TNRC6A: variants seen among roughly 807,000 people sequenced by gnomAD.
TNRC6A encodes trinucleotide repeat-containing gene 6A protein.
TNRC6A carries 44 observed loss-of-function variants against 221.2 expected under a neutral mutation model. The observed-to-expected ratio is 0.20, with a 90% CI of 0.16 to 0.26. The LOEUF (loss-of-function observed/expected upper bound fraction) is 0.26. TNRC6A is among the 10% of genes least tolerant of loss of function. The pLI is 1.00. For synonymous variants in TNRC6A, 847 were observed against 838.5 expected (o/e 1.01, Z -0.18); for missense variants, 2,199 against 2,404.4 (o/e 0.91, Z 1.79).
chr16:24,727,520 A>G (rs1329250721), upstream of TNRC6A, among the ~76,000 whole-genome samples: 1 of 152,154 alleles, frequency 6.6e-6, no homozygotes, highest in Non-Finnish European at 1.5e-5. Context: ...TGTGACAACC[A>G]AAAAGTTCAT....
intron 20 of TNRC6A, among the ~76,000 whole-genome samples, chr16:24,817,952 G>A (rs888668519): frequency 6.6e-6 from 1 of 152,190 alleles, no homozygotes; most frequent in African/African-American, 2.4e-5. Flanking sequence ...GAACATTGAA[G>A]GCTTTGAGTG....
At chr16:24,782,266 C>T (rs1235419028) in intron 5 of TNRC6A, among the ~76,000 whole-genome samples, 1 of 152,232 alleles carries the variant, frequency 6.6e-6, no homozygotes, top group African/African-American at 2.4e-5. Context: ...CTCCCTACCA[C>T]TTTCACCCCA....
At chr16:24,761,504 T>A (rs1202729679) in intron 4 of TNRC6A, among the ~76,000 whole-genome samples, 1 of 152,090 alleles carries the variant, frequency 6.6e-6, no homozygotes, top group African/African-American at 2.4e-5. Context: ...GGGAACTTGG[T>A]TGAGAATAAG....
At chr16:24,748,844 A>G (rs947400210) in intron 2 of TNRC6A, among the ~76,000 whole-genome samples, 1 of 152,018 alleles carries the variant, frequency 6.6e-6, no homozygotes, top group Non-Finnish European at 1.5e-5. Context: ...CAAAATGTCT[A>G]GTTCATATCT....
At chr16:24,774,972 T>G (rs1408865951) in intron 4 of TNRC6A, among the ~76,000 whole-genome samples, 1 of 152,204 alleles carries the variant, frequency 6.6e-6, no homozygotes, top group Non-Finnish European at 1.5e-5. Flanking sequence ...ATTTTTGGTT[T>G]GTTTGTTTGC....
chr16:24,637,729 A>G (rs141829161), intron 1 of TNRC6A, among the ~76,000 whole-genome samples: 1 of 152,202 alleles, frequency 6.6e-6, no homozygotes, highest in Non-Finnish European at 1.5e-5. Context: ...ATCACATCCA[A>G]TGAAAGAAGC....
Position 24,729,742 on chromosome 16 carries a change from G to T in TNRC6A, c.-100G>T. The T allele has an allele frequency of 7.8e-7, 1 of 1,286,826 alleles. No homozygotes were observed. The allele number at this position is 1,286,826 out of a possible 1,614,324, so 79.7% of individuals were successfully genotyped here. The stretch of plus-strand genomic sequence containing the variant: ...GCAGCGGGTCGGTGTAGAAAATGGC[G>T]CTGGTGCAGCGGCTCGGGCCTCTCC... On this transcript the variant is annotated 5_prime_UTR_variant, in exon 1 of 25. Transcript: ENST00000395799.
At chr16:24,782,726 A>G (rs1431290390) in intron 5 of TNRC6A, among the ~76,000 whole-genome samples, 1 of 151,878 alleles carries the variant, frequency 6.6e-6, no homozygotes, top group Non-Finnish European at 1.5e-5. Context: ...AAATACAAAA[A>G]ACAAAATTAG....
At chr16:24,787,734 C>T (rs2058005546) in intron 5 of TNRC6A, among the ~76,000 whole-genome samples, 2 of 152,184 alleles carry the variant, frequency 1.3e-5, no homozygotes, top group South Asian at 4.1e-4. Context: ...TCCGGTCTCT[C>T]TCCAGTCACT....
intron 18 of TNRC6A, among the ~76,000 whole-genome samples, chr16:24,811,653 T>C (rs1467646192): frequency 1.1e-4 from 17 of 151,754 alleles, no homozygotes; most frequent in Non-Finnish European, 7.4e-5. Context: ...GATGACATGA[T>C]CAGATTTGCA....
chr16:24,642,742 C>T (rs1016568376), intron 2 of TNRC6A, among the ~76,000 whole-genome samples: 13 of 152,032 alleles, frequency 8.6e-5, no homozygotes, highest in African/African-American at 2.9e-4. Context: ...ATCTCTTGAA[C>T]CCGGAAGGTG....
At chr16:24,666,696 G>T (rs1426163080) in intron 2 of TNRC6A, among the ~76,000 whole-genome samples, 1 of 132,386 alleles carries the variant, frequency 7.6e-6, no homozygotes, top group Non-Finnish European at 1.6e-5. Context: ...TATACATATG[G>T]CAGGGGCAGG....
intron 2 of TNRC6A, among the ~76,000 whole-genome samples, chr16:24,695,583 A>G (rs964169047): frequency 5.9e-5 from 9 of 151,978 alleles, no homozygotes; most frequent in Admixed American, 5.9e-4. Flanking sequence ...TGTTTTTAGT[A>G]GAGACGGGGT....
chr16:24,816,682 C>T, intron 19 of TNRC6A, 134 bp from the exon 20 acceptor site: 2 of 1,053,646 alleles, frequency 1.9e-6, no homozygotes, highest in Non-Finnish European at 1.3e-6. Flanking sequence ...CTGAACCATC[C>T]TCTTAGAGTA....
At chr16:24,817,328 C>T (rs538174728) in intron 20 of TNRC6A, among the ~76,000 whole-genome samples, 25 of 152,226 alleles carry the variant, frequency 1.6e-4, no homozygotes, top group African/African-American at 5.8e-4. Flanking sequence ...AATGAAAAAA[C>T]AGCAAATGAA....
chr16:24,741,655 G>A (rs897243385), intron 2 of TNRC6A, among the ~76,000 whole-genome samples: 1 of 152,090 alleles, frequency 6.6e-6, no homozygotes, highest in South Asian at 2.1e-4. Context: ...TTAGCTGTTG[G>A]TTTTGCGTCC....
At chr16:24,729,172 C>T (rs2056545971), upstream of TNRC6A, among the ~76,000 whole-genome samples, 1 of 151,930 alleles carries the variant, frequency 6.6e-6, no homozygotes, top group South Asian at 2.1e-4. Context: ...CATTCTTTAC[C>T]TGAGGAGGAA....
chr16:24,614,148 G>T (rs973849329), intron 1 of TNRC6A, among the ~76,000 whole-genome samples: 1 of 152,200 alleles, frequency 6.6e-6, no homozygotes, highest in Non-Finnish European at 1.5e-5. Context: ...AATTGACCAG[G>T]CCACGTGTCT....
At chr16:24,663,602 TC>T in intron 2 of TNRC6A, 1 of 166,936 alleles carries the variant, frequency 6.0e-6, no homozygotes, top group South Asian at 1.5e-4. Context: ...AAAAAGGTGC[TC>T]AGGGCAGAAT....
Sources: gnomAD v4.1 joint callset for allele counts (sites outside exome capture counted in the v4.1 genomes callset) on GRCh38, gnomAD v4.1.1 for gene constraint, MANE v1.5 for transcripts, NCBI Gene and HGNC (gene_info 2026-07-23, HGNC 2026-07-21) for gene names.